Variants in KIF13A observed in about 807,000 individuals in gnomAD.
KIF13A encodes kinesin-like protein KIF13A.
KIF13A carries 79 observed loss-of-function variants against 212.2 expected under a neutral mutation model. The observed-to-expected ratio is 0.37, with a 90% confidence interval of 0.31 to 0.45. The LOEUF is 0.45. Ranked by LOEUF, KIF13A falls within the 20% of genes least tolerant of loss-of-function variation. KIF13A has a pLI of 1.00. For missense variants in KIF13A, 1,901 were observed against 2,209.0 expected, an observed-to-expected ratio of 0.86 and a Z score of 2.79; for synonymous variants, 789 against 808.6, an observed-to-expected ratio of 0.98 and a Z score of 0.41.
At chr6:17,939,273 T>A (rs1181620464) in intron 2 of KIF13A, among the ~76,000 whole-genome samples, 1 of 152,218 alleles carries the variant, frequency 6.6e-6, no homozygotes, top group Non-Finnish European at 1.5e-5. Context: ...CAGTAACAGA[T>A]GTTTCAGTGC....
In KIF13A at chr6:17,987,403, C is replaced by A; in HGVS notation, c.55+6G>T. 7.3e-7 allele frequency: 1 copy of A among 1,371,194 alleles called. No individual in the cohort carries two copies. Among genetic ancestry groups the A allele is most frequent in the Non-Finnish European group, 9.7e-7 (1 of 1,033,816 alleles). 84.9% of individuals were successfully genotyped at this position (1,371,194 alleles called of 1,614,324 possible). ...CAGAAATAAAAAAGAGCGGAAAGCT[C>A]CTCACCTCGTCGGTTCATGGGCCGG... On this transcript the variant is annotated splice_donor_region_variant and intron_variant, in intron 1 of 38. Coordinates refer to ENST00000259711, the MANE Select transcript of KIF13A (RefSeq NM_022113.6). This position sits in a 1 kb window ranked among gnomAD's most constrained non-coding sequence, Gnocchi z 7.7.
rs1354138044 is a variant in KIF13A, at chr6:17,764,960, G to A, written c.4582-14C>T. The A allele has an allele frequency of 1.9e-6, 3 of 1,576,490 alleles. No homozygotes were observed. Among genetic ancestry groups the A allele is most frequent in the Non-Finnish European group, 2.6e-6 (3 of 1,161,262 alleles). On this transcript the variant is annotated splice_polypyrimidine_tract_variant and intron_variant, in intron 38 of 38. Transcript: ENST00000259711. This position sits in a 1 kb window ranked among gnomAD's most constrained non-coding sequence, Gnocchi z 5.1. ...CTCCTCAGAGTCCTATAGAAGTGAA[G>A]CAAAAGTCAGTCATTAGCTCCTTGT... is the stretch of plus-strand genomic sequence containing the variant.
At chr6:17,985,640 T>TGGGGGGGGGGGGGGG (rs1457148104) in intron 2 of KIF13A, among the ~76,000 whole-genome samples, 3 of 40,880 alleles carry the variant, frequency 7.3e-5, no homozygotes, top group Non-Finnish European at 1.3e-4. Flanking sequence ...TGCGGGGGGG[T>TGGGGGGGGGGGGGGG]GGGGGGAGGG....
At chr6:17,962,871 T>C (rs1329690666) in intron 2 of KIF13A, among the ~76,000 whole-genome samples, 2 of 152,172 alleles carry the variant, frequency 1.3e-5, no homozygotes, top group East Asian at 1.9e-4. Context: ...GGCTTATTAA[T>C]GACAATGCAA....
intron 17 of KIF13A, among the ~76,000 whole-genome samples, chr6:17,810,462 AC>A (rs1318738328): frequency 3.3e-5 from 5 of 152,176 alleles, no homozygotes; most frequent in Non-Finnish European, 7.3e-5. Flanking sequence ...ATCACCTTCT[AC>A]ACCAGTGGTC....
rs561613745 is a variant in KIF13A, at chr6:17,915,044, G to A, written c.147-16864C>T. Among the ~76,000 whole-genome samples the A allele has an allele frequency of 6.6e-6, 1 of 152,160 alleles. No homozygotes were observed. The highest frequency in any genetic ancestry group is 6.5e-5 in the Admixed American group (1 of 15,292). ...GGTTTTGGTTTTATTTCCAAGATTG[G>A]TTTTCCATTTATGTGAGAGCTTGTA... is the stretch of plus-strand genomic sequence containing the variant. On this transcript the variant is annotated intron_variant, in intron 2 of 38. Coordinates refer to ENST00000259711, the MANE Select transcript of KIF13A (RefSeq NM_022113.6). The surrounding 1 kb of genome is among the most constrained non-coding windows in gnomAD (Gnocchi z 4.4).
intron 17 of KIF13A, chr6:17,815,707 A>C (rs1763866697): frequency 3.0e-6 from 1 of 336,630 alleles, no homozygotes; most frequent in African/African-American, 2.1e-5. Context: ...AATGATATTC[A>C]TATATAATCA....
chr6:17,937,708 T>C (rs1202076929), intron 2 of KIF13A, among the ~76,000 whole-genome samples: 1 of 151,874 alleles, frequency 6.6e-6, no homozygotes, highest in African/African-American at 2.4e-5. Context: ...GGACCACAGG[T>C]GCAAGCCACC....
In KIF13A at chr6:17,874,999, G is replaced by GCGCGCGCACACACACACA. The variant is rs913365480; in HGVS notation, c.160-1563_160-1562insTGTGTGTGTGTGCGCGCG. ...CCACCACACACACACACACGCACACGCACGCACACACACACACACACACAC... is the reference window on the plus strand; with the variant it reads ...CCACCACACACACACACACGCACACGCGCGCGCACACACACACACACGCACACACACACACACACACAC... On this transcript the variant is annotated intron_variant, in intron 3 of 38. Transcript: ENST00000259711. Among the ~76,000 whole-genome samples, 339 of 120,320 alleles carry GCGCGCGCACACACACACA rather than the reference G, an allele frequency of 2.8e-3. 7 individuals are homozygous for GCGCGCGCACACACACACA. Among genetic ancestry groups the GCGCGCGCACACACACACA allele is most frequent in the African/African-American group, 9.5e-3 (310 of 32,744 alleles). 78.9% of individuals were successfully genotyped at this position (120,320 alleles called of 152,430 possible).
chr6:17,786,517 T>C lies in KIF13A; in HGVS notation c.3362-876A>G, dbSNP rs1226540217. ...CAGGAGACTGAGGCAGGAGAATTGC[T>C]TGAACCTGGGAGGAGGAGGTTGCAG... On this transcript the variant is annotated intron_variant, in intron 27 of 38. Coordinates refer to ENST00000259711, the MANE Select transcript of KIF13A (RefSeq NM_022113.6). The surrounding 1 kb of genome is among the most constrained non-coding windows in gnomAD (Gnocchi z 5.4). Among the ~76,000 whole-genome samples, 1 of 151,972 alleles carries C rather than the reference T, an allele frequency of 6.6e-6. No homozygotes were observed. The highest frequency in any genetic ancestry group is 1.5e-5 in the Non-Finnish European group (1 of 67,996).
At position 17,853,431 on chromosome 6, in the gene KIF13A, G is replaced by A. The variant is rs1767851460; in HGVS notation, c.495-1389C>T. On this transcript the variant is annotated intron_variant, in intron 6 of 38. Transcript: ENST00000259711. ...ATTGGTACAACCACTTTGGATAACA[G>A]TTTGCGCAATTAAATAAAATTGGAG... Among the ~76,000 whole-genome samples the A allele has an allele frequency of 2.0e-5, 3 of 152,222 alleles. No homozygotes were observed. In the South Asian group the frequency reaches 6.2e-4, roughly 32 times the overall value.
chr6:17,801,815 G>T (rs1284593469), intron 20 of KIF13A, among the ~76,000 whole-genome samples: 2 of 152,128 alleles, frequency 1.3e-5, no homozygotes, highest in African/African-American at 4.8e-5. Context: ...AATCCAGGAG[G>T]AACAGCATAT....
Position 17,771,230 on chromosome 6 carries a change from A to G in KIF13A, c.4477-12T>C. The G allele has an allele frequency of 6.3e-7, 1 of 1,585,076 alleles. No individual in the cohort carries two copies. Among genetic ancestry groups the G allele is most frequent in the East Asian group, 2.2e-5 (1 of 44,678 alleles). ...GGTGGAGGCATGCTCTGCAAAGGTTAAGACACACAGATGCATCACACACAA... is the reference window on the plus strand; with the variant it reads ...GGTGGAGGCATGCTCTGCAAAGGTTGAGACACACAGATGCATCACACACAA... On this transcript the variant is annotated splice_polypyrimidine_tract_variant and intron_variant, in intron 37 of 38. Coordinates refer to ENST00000259711, the MANE Select transcript of KIF13A (RefSeq NM_022113.6). The surrounding 1 kb of genome is among the most constrained non-coding windows in gnomAD (Gnocchi z 5.4).
In KIF13A at chr6:17,764,470, A is replaced by G. The variant is rs569219198; in HGVS notation, c.5058T>C (p.Pro1686=). ...AKGSPSSQSI[P]EKNSKSLCRT... is the part of the protein sequence containing the mutation. ...TGCACAGTGATTTGGAGTTTTTCTC[A>G]GGGATGCTCTGGGATGATGGGCTCC... The change falls in exon 39 of 39, where the codon CCT becomes CCC. Residue 1686 remains proline, a synonymous_variant. Coordinates refer to ENST00000259711, the MANE Select transcript of KIF13A (RefSeq NM_022113.6). This position sits in a 1 kb window ranked among gnomAD's most constrained non-coding sequence, Gnocchi z 5.1. The G allele has an allele frequency of 1.9e-6, 3 of 1,614,010 alleles. No homozygotes were observed. The highest frequency in any genetic ancestry group is 2.7e-5 in the African/African-American group (2 of 75,062).
chr6:17,843,285 A>G lies in KIF13A; in HGVS notation c.831-5702T>C, dbSNP rs553104032. On this transcript the variant is annotated intron_variant, in intron 9 of 38. Transcript: ENST00000259711. This position sits in a 1 kb window ranked among gnomAD's most constrained non-coding sequence, Gnocchi z 5.3. ...TAATTCAATGATGGTTTTGGGATAC[A>G]TCGAGTGCTACTTGCTAACAGAACA... Among the ~76,000 whole-genome samples, 6 of 152,230 alleles carry G rather than the reference A, an allele frequency of 3.9e-5. No homozygotes were observed. The highest frequency in any genetic ancestry group is 1.4e-4 in the African/African-American group (6 of 41,472).
rs3076205 is a variant in KIF13A, at chr6:17,779,257, ATTTTT to A, written c.3940-163_3940-159del. Among the ~76,000 whole-genome samples the A allele has an allele frequency of 7.2e-4, 27 of 37,760 alleles. No individual in the cohort carries two copies. In the East Asian group the frequency reaches 9.5e-3, roughly 13 times the overall value. The allele number at this position is 37,760 out of a possible 152,430, so 24.8% of individuals were successfully genotyped here. Reference sequence around the variant, plus strand: ...GTAGCATATATATATATATATATATATTTTTTTTTTTTTTTTTTTTTTTTTTTTTT... The same window carrying A: ...GTAGCATATATATATATATATATATATTTTTTTTTTTTTTTTTTTTTTTTT... On this transcript the variant is annotated intron_variant, in intron 32 of 38. Transcript: ENST00000259711.
chr6:17,807,884 A>G (rs2150343035), intron 18 of KIF13A, among the ~76,000 whole-genome samples: 1 of 152,344 alleles, frequency 6.6e-6, no homozygotes, highest in East Asian at 1.9e-4. Context: ...AATAGAAAGA[A>G]CCTACAATGA....
rs1277128751 is a variant in KIF13A at position 17,839,238 on chromosome 6, C to T, written c.831-1655G>A. Among the ~76,000 whole-genome samples the T allele has an allele frequency of 1.3e-5, 2 of 152,188 alleles. No homozygotes were observed. Among genetic ancestry groups the T allele is most frequent in the African/African-American group, 4.8e-5 (2 of 41,442 alleles). On this transcript the variant is annotated intron_variant, in intron 9 of 38. Coordinates refer to ENST00000259711, the MANE Select transcript of KIF13A (RefSeq NM_022113.6). This position sits in a 1 kb window ranked among gnomAD's most constrained non-coding sequence, Gnocchi z 4.3. ...CTGTAACAAAATTGCACTTGTACCC[C>T]ATACATTTATCCACAAAAATGTACA...
Position 17,839,977 on chromosome 6 carries a change from T to C in KIF13A, c.831-2394A>G, listed in dbSNP as rs368094133. Among the ~76,000 whole-genome samples the C allele has an allele frequency of 2.6e-5, 4 of 152,176 alleles. No individual in the cohort carries two copies. The East Asian group carries it at 5.8e-4, about 22-fold the overall frequency. On this transcript the variant is annotated intron_variant, in intron 9 of 38. Transcript: ENST00000259711. The surrounding 1 kb of genome is among the most constrained non-coding windows in gnomAD (Gnocchi z 4.3). ...TTGTGGTAATCTGTTACAGTAGCAATAGCAATCGAACACAGCCATATACTG... is the reference window on the plus strand; with the variant it reads ...TTGTGGTAATCTGTTACAGTAGCAACAGCAATCGAACACAGCCATATACTG...
Sources: gnomAD v4.1 joint callset for allele counts (sites outside exome capture counted in the v4.1 genomes callset) on GRCh38, gnomAD v4.1.1 for gene constraint, Gnocchi (gnomAD v3.1) non-coding constraint, MANE v1.5 for transcripts, NCBI Gene and HGNC (gene_info 2026-07-23, HGNC 2026-07-21) for gene names.